Variants in RGL1 observed in about 807,000 individuals in gnomAD.
RGL1 encodes the protein ral guanine nucleotide dissociation stimulator-like 1.
In RGL1, 24 loss-of-function variants were observed where a neutral mutation model predicts 95.2. The observed-to-expected ratio is 0.25, with a 90% CI of 0.18 to 0.35. RGL1 has a LOEUF of 0.35. Ranked by LOEUF, RGL1 falls within the 10% of genes least tolerant of loss-of-function variation. The pLI, the probability that RGL1 is intolerant of heterozygous loss-of-function variation, is 1.00. For missense variants in RGL1, 715 were observed against 936.3 expected (o/e 0.76, Z 3.08); for synonymous variants, 329 against 344.9 (o/e 0.95, Z 0.51).
At chr1:183,654,763 C>T (rs942319248) in intron 1 of RGL1, among the ~76,000 whole-genome samples, 7 of 152,228 alleles carry the variant, frequency 4.6e-5, no homozygotes, top group African/African-American at 7.2e-5. Flanking sequence ...GAGCCTTTGT[C>T]CACTAGCACA....
chr1:183,796,496 G>A (rs7518273), intron 2 of RGL1, among the ~76,000 whole-genome samples: 23,847 of 151,936 alleles, frequency 0.16, 3,321 homozygotes, highest in East Asian at 0.46. Flanking sequence ...CGTTGTGCAC[G>A]TGTACCCTAG....
At chr1:183,700,864 C>A (rs1193379150) in intron 1 of RGL1, among the ~76,000 whole-genome samples, 1 of 151,954 alleles carries the variant, frequency 6.6e-6, no homozygotes, top group Non-Finnish European at 1.5e-5. Context: ...GTTTTAAGCC[C>A]CACATACATT....
chr1:183,833,771 G>C (rs1663430613), intron 2 of RGL1, among the ~76,000 whole-genome samples: 1 of 152,100 alleles, frequency 6.6e-6, no homozygotes, highest in South Asian at 2.1e-4. Flanking sequence ...GAATCCATTG[G>C]TAAGTTACCA....
chr1:183,657,980 A>C (rs1651308081), intron 1 of RGL1, among the ~76,000 whole-genome samples: 2 of 152,250 alleles, frequency 1.3e-5, no homozygotes, highest in Admixed American at 6.5e-5. Flanking sequence ...AATGATTGCC[A>C]TTCTAACTGG....
intron 1 of RGL1, among the ~76,000 whole-genome samples, chr1:183,701,665 G>A (rs6663585): frequency 0.48 from 72,206 of 152,006 alleles, 17,777 homozygotes; most frequent in East Asian, 0.76. Flanking sequence ...TTGGCCGGGT[G>A]CAGTGGCTCA....
chr1:183,757,017 GT>G (rs1334256397), intron 2 of RGL1, among the ~76,000 whole-genome samples: 5 of 80,802 alleles, frequency 6.2e-5, no homozygotes, highest in African/African-American at 1.7e-4. Context: ...TGGGTGGTTT[GT>G]TTGTTTTTTT....
chr1:183,868,135 C>T (rs564540865), intron 4 of RGL1, among the ~76,000 whole-genome samples: 129 of 152,208 alleles, frequency 8.5e-4, no homozygotes, highest in Middle Eastern at 3.4e-3. Flanking sequence ...TTGGTAGAGC[C>T]GTCTGGGTAT....
rs1174194311 is a variant in RGL1 at position 183,916,429 on chromosome 1, G to A, written c.1750-18G>A. Reference sequence around the variant, plus strand: ...GCGTTCTAATCTGTTTTCTTCTGGGGTGTGTTTACTCTTCCAGCTCTCTGA... The same window carrying A: ...GCGTTCTAATCTGTTTTCTTCTGGGATGTGTTTACTCTTCCAGCTCTCTGA... On this transcript the variant is annotated intron_variant, in intron 15 of 17. Transcript: ENST00000360851. The A allele has an allele frequency of 6.2e-7, 1 of 1,612,764 alleles. No individual in the cohort carries two copies. The highest frequency in any genetic ancestry group is 8.5e-7 in the Non-Finnish European group (1 of 1,179,084).
chr1:183,846,661 C>T (rs1473414683), intron 2 of RGL1, among the ~76,000 whole-genome samples: 1 of 152,094 alleles, frequency 6.6e-6, no homozygotes, highest in African/African-American at 2.4e-5. Flanking sequence ...GGGCGTATCA[C>T]CTGAGGTCAG....
In RGL1 at chr1:183,926,101, T is replaced by C. The variant is rs779946078; in HGVS notation, c.2120-4T>C. ...ACCATCTTATCTTTCCTTATCTTTTTCAGAACTTGTGATTCCAGACTCAGC... is the reference window on the plus strand; with the variant it reads ...ACCATCTTATCTTTCCTTATCTTTTCCAGAACTTGTGATTCCAGACTCAGC... On this transcript the variant is annotated splice_polypyrimidine_tract_variant and splice_region_variant and intron_variant, in intron 17 of 17. Coordinates refer to ENST00000360851, the MANE Select transcript of RGL1 (RefSeq NM_001297671.3). 4.5e-5 allele frequency: 73 copies of C among 1,612,302 alleles called. 1 individual carries two copies. The South Asian group carries it at 7.8e-4, about 17-fold the overall frequency.
At chr1:183,917,371 A>G (rs1360003342) in intron 16 of RGL1, among the ~76,000 whole-genome samples, 2 of 152,230 alleles carry the variant, frequency 1.3e-5, no homozygotes, top group Non-Finnish European at 2.9e-5. Context: ...AACCTTGGGT[A>G]TGTGAGGTCT....
intron 1 of RGL1, among the ~76,000 whole-genome samples, chr1:183,663,645 G>T (rs1218779907): frequency 1.3e-5 from 2 of 151,976 alleles, no homozygotes; most frequent in Non-Finnish European, 2.9e-5. Flanking sequence ...CCTTGTGGAA[G>T]TCAGTGTGGC....
At chr1:183,757,177 C>T (rs35822817) in intron 2 of RGL1, among the ~76,000 whole-genome samples, 67,720 of 151,992 alleles carry the variant, frequency 0.45, 16,119 homozygotes, top group East Asian at 0.8. Context: ...ATTAAACTGG[C>T]GAATGTCTGT....
chr1:183,927,356 A>T lies in RGL1; in HGVS notation c.*1064A>T, dbSNP rs1669672700. 1 of 152,438 alleles carries T rather than the reference A, an allele frequency of 6.6e-6. No individual in the cohort carries two copies. Among genetic ancestry groups the T allele is most frequent in the Admixed American group, 6.5e-5 (1 of 15,278 alleles). The allele number at this position is 152,438 out of a possible 1,614,324, so 9.4% of individuals were successfully genotyped here. On this transcript the variant is annotated 3_prime_UTR_variant, in exon 18 of 18. Transcript: ENST00000360851. Reference sequence around the variant, plus strand: ...CAATTGACTACGTTTGATTATTTTGAGCTTGTGAAAGATTTCTGAACAGTG... The same window carrying T: ...CAATTGACTACGTTTGATTATTTTGTGCTTGTGAAAGATTTCTGAACAGTG...
chr1:183,825,570 CTG>C (rs1481413136), intron 2 of RGL1, among the ~76,000 whole-genome samples: 1 of 152,204 alleles, frequency 6.6e-6, no homozygotes, highest in African/African-American at 2.4e-5. Flanking sequence ...TATTTTAAAA[CTG>C]AACATTAATG....
intron 1 of RGL1, among the ~76,000 whole-genome samples, chr1:183,693,700 G>A (rs1654094419): frequency 6.6e-6 from 1 of 151,952 alleles, no homozygotes; most frequent in Non-Finnish European, 1.5e-5. Flanking sequence ...AAAACCAAAA[G>A]TGAAGCCTCA....
intron 1 of RGL1, among the ~76,000 whole-genome samples, chr1:183,680,178 C>T (rs1653114646): frequency 6.6e-6 from 1 of 152,078 alleles, no homozygotes; most frequent in African/African-American, 2.4e-5. Context: ...CCTGTTCACT[C>T]CAATGATAGT....
intron 16 of RGL1, among the ~76,000 whole-genome samples, chr1:183,918,578 G>T (rs138318230): frequency 1.8e-4 from 27 of 152,368 alleles, no homozygotes; most frequent in African/African-American, 6.5e-4. Context: ...ACTGTGAGTG[G>T]TTGGACTGCA....
At chr1:183,711,545 C>T (rs961272959) in intron 1 of RGL1, among the ~76,000 whole-genome samples, 3 of 152,120 alleles carry the variant, frequency 2.0e-5, no homozygotes, top group Non-Finnish European at 4.4e-5. Flanking sequence ...TTTCCAACCG[C>T]CTCTTAAGAT....
Sources: allele counts gnomAD v4.1 joint callset (sites outside exome capture counted in the v4.1 genomes callset), GRCh38; gene constraint gnomAD v4.1.1; transcripts MANE v1.5; gene names NCBI Gene and HGNC (gene_info 2026-07-23, HGNC 2026-07-21).